Variants in DCDC1 observed in about 807,000 individuals in gnomAD.
The protein encoded by DCDC1 is doublecortin domain containing 1.
In DCDC1, 200 loss-of-function variants were observed where a neutral mutation model predicts 178.3. That is an observed-to-expected ratio of 1.12 (90% CI 1.00 to 1.26). The LOEUF (loss-of-function observed/expected upper bound fraction) is 1.26, where lower values mean the gene tolerates loss of function less well. Ranked by LOEUF, DCDC1 falls within the 50% of genes most tolerant of loss-of-function variation. The pLI, the probability that DCDC1 is intolerant of heterozygous loss-of-function variation, is 0.00. For synonymous variants in DCDC1, 690 were observed against 604.8 expected (o/e 1.14, Z -2.07); for missense variants, 1,983 against 1,749.2 (o/e 1.13, Z -2.38).
intron 1 of DCDC1, among the ~76,000 whole-genome samples, chr11:31,366,912 T>C (rs1445344304): frequency 6.6e-6 from 1 of 152,210 alleles, no homozygotes; most frequent in East Asian, 1.9e-4. Context: ...CATATCACTG[T>C]CTAGATGCAG....
At chr11:31,209,966 GCAA>G (rs1306236481) in intron 9 of DCDC1, among the ~76,000 whole-genome samples, 1 of 152,286 alleles carries the variant, frequency 6.6e-6, no homozygotes, top group Non-Finnish European at 1.5e-5. Context: ...GGTTGGCCTT[GCAA>G]CAACTAGAGT....
chr11:31,132,640 C>T (rs1458129363), intron 10 of DCDC1, among the ~76,000 whole-genome samples: 3 of 152,064 alleles, frequency 2.0e-5, no homozygotes, highest in African/African-American at 7.2e-5. Context: ...GTGGGGGCAT[C>T]CATGTGGAAA....
chr11:30,964,256 T>A (rs1173125088), intron 20 of DCDC1, among the ~76,000 whole-genome samples: 1 of 152,174 alleles, frequency 6.6e-6, no homozygotes, highest in Non-Finnish European at 1.5e-5. Context: ...CATTTGTTTA[T>A]TGCTCAAGTG....
chr11:31,366,296 A>G (rs1454665452), intron 1 of DCDC1, among the ~76,000 whole-genome samples: 1 of 152,204 alleles, frequency 6.6e-6, no homozygotes, highest in Admixed American at 6.5e-5. Context: ...TTTTAAATAT[A>G]AGATACTGAG....
At chr11:31,056,125 A>C (rs1955570553) in intron 20 of DCDC1, among the ~76,000 whole-genome samples, 1 of 152,188 alleles carries the variant, frequency 6.6e-6, no homozygotes, top group Non-Finnish European at 1.5e-5. Flanking sequence ...TAAAAACACT[A>C]ATTTATATTA....
At chr11:30,883,495 T>C (rs1219693610) in intron 36 of DCDC1, 2 of 461,178 alleles carry the variant, frequency 4.3e-6, no homozygotes, top group Non-Finnish European at 9.0e-6. Flanking sequence ...TAAAGATCCA[T>C]GTCTTCAGAT....
In DCDC1 at chr11:31,204,423, A is replaced by G. The variant is rs1971643776; in HGVS notation, c.1221+37027T>C. On this transcript the variant is annotated intron_variant, in intron 9 of 38. Coordinates refer to ENST00000684477, the MANE Select transcript of DCDC1 (RefSeq NM_001387274.1). ...ATATTATTTAAGGACAAAAAAAGAT[A>G]GCCTGAAAAAAAAAAAGGGATATAC... is the stretch of plus-strand genomic sequence containing the variant. Among the ~76,000 whole-genome samples the G allele has an allele frequency of 2.6e-5, 4 of 152,074 alleles. No homozygotes were observed. The South Asian group carries it at 8.3e-4, about 32-fold the overall frequency.
At chr11:31,024,904 T>G (rs746566039) in intron 20 of DCDC1, among the ~76,000 whole-genome samples, 1 of 151,894 alleles carries the variant, frequency 6.6e-6, no homozygotes, top group Non-Finnish European at 1.5e-5. Flanking sequence ...TCAAAATCGT[T>G]ATTACCCTTA....
intron 7 of DCDC1, among the ~76,000 whole-genome samples, chr11:31,281,532 A>G (rs1463817413): frequency 6.6e-6 from 1 of 151,948 alleles, no homozygotes; most frequent in African/African-American, 2.4e-5. Context: ...CTTTTTCCAT[A>G]TTCTCTTAAG....
rs73463072 is a variant in DCDC1, at chr11:31,329,336, C to T, written c.-6-1050G>A. ...AAAAAACCACCTCTTTAGTTTCCTA[C>T]GTACATAAGCCAACAATTTTCTTTC... On this transcript the variant is annotated intron_variant, in intron 2 of 38. Transcript: ENST00000684477. Among the ~76,000 whole-genome samples the T allele has an allele frequency of 4.8e-3, 727 of 152,182 alleles. 5 individuals carry two copies. Among genetic ancestry groups the T allele is most frequent in the African/African-American group, 0.015 (611 of 41,522 alleles).
intron 17 of DCDC1, among the ~76,000 whole-genome samples, chr11:31,081,917 T>C (rs1430207240): frequency 6.6e-6 from 1 of 152,184 alleles, no homozygotes; most frequent in Non-Finnish European, 1.5e-5. Flanking sequence ...CAATAACTTC[T>C]TAAAGAAATA....
chr11:30,915,371 G>A (rs1945758389), intron 27 of DCDC1, 140 bp downstream of exon 27: 2 of 836,130 alleles, frequency 2.4e-6, no homozygotes, highest in Admixed American at 2.8e-5. Flanking sequence ...TCTTTGGCTA[G>A]GATAAAGAAT....
intron 20 of DCDC1, among the ~76,000 whole-genome samples, chr11:30,972,771 T>G (rs1489282337): frequency 2.6e-5 from 4 of 152,126 alleles, no homozygotes; most frequent in Non-Finnish European, 5.9e-5. Context: ...CCAAATGGAT[T>G]AAAAGAAAAT....
intron 20 of DCDC1, among the ~76,000 whole-genome samples, chr11:30,984,066 T>C (rs1429887579): frequency 6.6e-6 from 1 of 152,166 alleles, no homozygotes; most frequent in Non-Finnish European, 1.5e-5. Context: ...GATTAGAATC[T>C]TAAAAGCTGT....
Position 31,304,252 on chromosome 11 carries a change from T to C in DCDC1, c.754+1363A>G, listed in dbSNP as rs1948310230. 2.6e-5 allele frequency among the ~76,000 whole-genome samples: 4 copies of C among 152,302 alleles called. No individual in the cohort carries two copies. In the South Asian group the frequency reaches 8.3e-4, roughly 32 times the overall value. On this transcript the variant is annotated intron_variant, in intron 6 of 38. Transcript: ENST00000684477. ...TTTATATGTCTCTTCTACAATACCA[T>C]TATTCATATGAAAGGCAAGCATTTC...
chr11:30,965,214 G>A (rs184486527), intron 20 of DCDC1, among the ~76,000 whole-genome samples: 1 of 152,162 alleles, frequency 6.6e-6, no homozygotes, highest in Non-Finnish European at 1.5e-5. Context: ...TCAAGAATAG[G>A]CAGTGAATCA....
chr11:30,939,635 T>C (rs1203090074), intron 21 of DCDC1, among the ~76,000 whole-genome samples: 2 of 152,168 alleles, frequency 1.3e-5, no homozygotes, highest in East Asian at 3.9e-4. Context: ...CTTTCCTCTC[T>C]TAAGTTTCAA....
At chr11:31,211,603 T>A (rs1972541638) in intron 9 of DCDC1, among the ~76,000 whole-genome samples, 1 of 152,000 alleles carries the variant, frequency 6.6e-6, no homozygotes. Context: ...TCGGAAAAAA[T>A]CCATATGGAA....
chr11:31,318,777 T>C (rs535887471), intron 3 of DCDC1, among the ~76,000 whole-genome samples: 1 of 60,486 alleles, frequency 1.7e-5, no homozygotes, highest in East Asian at 2.6e-4. Context: ...TCTTTCCTGC[T>C]TTCTCTTGTA....
Sources: gnomAD v4.1 joint callset for allele counts (sites outside exome capture counted in the v4.1 genomes callset) on GRCh38, gnomAD v4.1.1 for gene constraint, MANE v1.5 for transcripts, NCBI Gene and HGNC (gene_info 2026-07-23, HGNC 2026-07-21) for gene names.